TNR: variants seen among roughly 807,000 people sequenced by gnomAD.
TNR encodes tenascin-R.
TNR carries 45 observed loss-of-function variants against 150.4 expected under a neutral mutation model. The observed-to-expected ratio is 0.30, with a 90% confidence interval of 0.24 to 0.38. The LOEUF (loss-of-function observed/expected upper bound fraction) is 0.38. Among genes scored for constraint, TNR ranks in the 10% least tolerant of loss-of-function variants. The pLI is 1.00. For missense variants in TNR, 1,544 were observed against 1,759.1 expected (o/e 0.88, Z 2.19); for synonymous variants, 687 against 678.4 (o/e 1.01, Z -0.20).
intron 1 of TNR, among the ~76,000 whole-genome samples, chr1:175,693,374 T>C (rs899226001): frequency 3.3e-5 from 5 of 152,206 alleles, no homozygotes; most frequent in Admixed American, 3.3e-4. Context: ...ACCATCCTAG[T>C]TTAGGAACAC....
intron 1 of TNR, among the ~76,000 whole-genome samples, chr1:175,529,176 G>T (rs924668554): frequency 1.1e-4 from 17 of 152,180 alleles, no homozygotes; most frequent in Admixed American, 3.9e-4. Flanking sequence ...TCAAGGGCTT[G>T]CTTCTCACAA....
At chr1:175,331,009 CTTTCTTTCT>C (rs1557867161) in intron 20 of TNR, among the ~76,000 whole-genome samples, 1 of 48,684 alleles carries the variant, frequency 2.1e-5, no homozygotes, top group African/African-American at 7.6e-5. Context: ...TTCTTTCTTT[CTTTCTTTCT>C]TTCTTTCTTT....
intron 1 of TNR, among the ~76,000 whole-genome samples, chr1:175,681,743 C>T (rs1666040197): frequency 6.6e-6 from 1 of 152,120 alleles, no homozygotes. Context: ...TGAGCAGAAT[C>T]ACAGATTGAG....
chr1:175,489,469 G>A (rs1658152515), intron 2 of TNR, among the ~76,000 whole-genome samples: 1 of 152,196 alleles, frequency 6.6e-6, no homozygotes, highest in Non-Finnish European at 1.5e-5. Flanking sequence ...CATGGTTGCT[G>A]AGCCAAGCTG....
At chr1:175,398,176 A>T (rs1311904104) in intron 4 of TNR, among the ~76,000 whole-genome samples, 1 of 152,184 alleles carries the variant, frequency 6.6e-6, no homozygotes, top group East Asian at 1.9e-4. Context: ...AGACAGAGAC[A>T]CAAGGAGACC....
At chr1:175,568,120 C>T (rs971689955) in intron 1 of TNR, among the ~76,000 whole-genome samples, 1 of 152,224 alleles carries the variant, frequency 6.6e-6, no homozygotes, top group East Asian at 1.9e-4. Context: ...AAGCCCAAGC[C>T]TCTGTGGTCC....
intron 15 of TNR, among the ~76,000 whole-genome samples, chr1:175,357,751 T>A (rs2861279): frequency 6.6e-6 from 1 of 152,166 alleles, no homozygotes; most frequent in Non-Finnish European, 1.5e-5. Flanking sequence ...GTTCTGTGCA[T>A]GTCTATAGCA....
intron 18 of TNR, among the ~76,000 whole-genome samples, chr1:175,353,104 C>T (rs147709333): frequency 1.4e-4 from 21 of 152,246 alleles, no homozygotes; most frequent in African/African-American, 2.6e-4. Flanking sequence ...AATTCAAAGT[C>T]GGGGCTGGGC....
At chr1:175,414,416 G>A (rs973760333) in intron 2 of TNR, among the ~76,000 whole-genome samples, 1 of 152,178 alleles carries the variant, frequency 6.6e-6, no homozygotes, top group Non-Finnish European at 1.5e-5. Flanking sequence ...AAGGCTCAAC[G>A]ATACACTAAC....
chr1:175,615,679 T>C (rs1201199553), intron 1 of TNR, among the ~76,000 whole-genome samples: 3 of 152,182 alleles, frequency 2.0e-5, no homozygotes, highest in African/African-American at 7.2e-5. Context: ...GCTTCAGGAA[T>C]TAGAGTGTAG....
intron 2 of TNR, among the ~76,000 whole-genome samples, chr1:175,424,909 C>G (rs1323417163): frequency 6.6e-6 from 1 of 151,950 alleles, no homozygotes; most frequent in African/African-American, 2.4e-5. Flanking sequence ...CAAAAAATAT[C>G]AAGCTGAAGA....
At chr1:175,609,107 C>T (rs971220101) in intron 1 of TNR, among the ~76,000 whole-genome samples, 8 of 152,210 alleles carry the variant, frequency 5.3e-5, no homozygotes, top group African/African-American at 1.9e-4. Flanking sequence ...CCAGGCATGG[C>T]ATGTGCACAT....
intron 1 of TNR, among the ~76,000 whole-genome samples, chr1:175,587,366 A>G (rs1662614654): frequency 6.6e-6 from 1 of 152,306 alleles, no homozygotes; most frequent in Non-Finnish European, 1.5e-5. Context: ...CGCATAGCTG[A>G]GTAACCCAGA....
chr1:175,576,288 C>T (rs1408813173), intron 1 of TNR, among the ~76,000 whole-genome samples: 1 of 152,116 alleles, frequency 6.6e-6, no homozygotes, highest in African/African-American at 2.4e-5. Context: ...CCGGTTTTCC[C>T]TGAAAGAGAT....
At position 175,406,333 on chromosome 1, in the gene TNR, C is replaced by A. The variant is rs2239819; in HGVS notation, c.382G>T (p.Ala128Ser). 0.28 allele frequency: 458,636 copies of A among 1,613,900 alleles called. 69,802 individuals are homozygous for A. Among genetic ancestry groups the A allele is most frequent in the East Asian group, 0.53 (23,663 of 44,852 alleles). ...INFPKKACPC[A>S]SSAQVLQELL... ...TCCTGCAGCACCTGGGCTGAACTGG[C>A]ACATGGACAGGCCTTTTTGGGGAAG... is the stretch of plus-strand genomic sequence containing the variant. The change falls in exon 3 of 23, where the codon GCC (alanine) becomes TCC (serine). Residue 128 changes from alanine to serine, a missense_variant. This residue lies in a region of TNR where 1,254 missense variants were observed against 1,329.4 expected (regional missense o/e 0.94). Transcript: ENST00000367674.
rs549853642 is a variant in TNR at position 175,343,428 on chromosome 1, C to T, written c.3383-5749G>A. On this transcript the variant is annotated intron_variant, in intron 18 of 22. Transcript: ENST00000367674. ...TCAGGTAAAGAGACACCTGTTCTGA[C>T]GACCCTAGTTGAGACCAGGGTCTGG... Among the ~76,000 whole-genome samples the T allele has an allele frequency of 4.6e-5, 7 of 152,266 alleles. No individual in the cohort carries two copies. The East Asian group carries it at 7.7e-4, about 17-fold the overall frequency.
chr1:175,673,666 A>G (rs1394123295), intron 1 of TNR, among the ~76,000 whole-genome samples: 1 of 152,246 alleles, frequency 6.6e-6, no homozygotes, highest in Admixed American at 6.5e-5. Flanking sequence ...GGGCCTCACA[A>G]TCGAAGTGAG....
intron 8 of TNR, among the ~76,000 whole-genome samples, chr1:175,381,031 G>T (rs1037504895): frequency 1.3e-5 from 2 of 152,236 alleles, no homozygotes; most frequent in African/African-American, 4.8e-5. Context: ...GAATCTTTTA[G>T]CAGATTTATG....
chr1:175,695,802 T>C (rs1666497675), intron 1 of TNR, among the ~76,000 whole-genome samples: 1 of 152,238 alleles, frequency 6.6e-6, no homozygotes, highest in Non-Finnish European at 1.5e-5. Context: ...TTATTATTTG[T>C]TCATTAGGGT....
Sources: allele counts gnomAD v4.1 joint callset (sites outside exome capture counted in the v4.1 genomes callset), GRCh38; gene constraint gnomAD v4.1.1; regional missense constraint gnomAD v4.1.1; transcripts MANE v1.5; gene names NCBI Gene and HGNC (gene_info 2026-07-23, HGNC 2026-07-21).